SEMA3E: variants seen among roughly 807,000 people sequenced by gnomAD.
SEMA3E encodes the protein semaphorin-3E.
SEMA3E carries 49 observed loss-of-function variants against 93.6 expected under a neutral mutation model. That is an observed-to-expected ratio of 0.52 (90% CI 0.42 to 0.66). SEMA3E has a LOEUF of 0.66. SEMA3E is among the 30% of genes least tolerant of loss of function. SEMA3E has a pLI of 0.00. For missense variants in SEMA3E, 906 were observed against 964.8 expected (o/e 0.94, Z 0.81); for synonymous variants, 363 against 330.7 (o/e 1.10, Z -1.06).
chr7:83,595,785 G>A (rs1792860887), intron 1 of SEMA3E, among the ~76,000 whole-genome samples: 1 of 151,886 alleles, frequency 6.6e-6, no homozygotes, highest in Non-Finnish European at 1.5e-5. Context: ...CATCACGGTA[G>A]GAAGTTTATG....
chr7:83,599,470 T>C (rs1255701087), intron 1 of SEMA3E, among the ~76,000 whole-genome samples: 2 of 152,222 alleles, frequency 1.3e-5, no homozygotes, highest in South Asian at 4.1e-4. Flanking sequence ...AACCCGCTTT[T>C]GCTCCAAAGT....
At chr7:83,508,645 C>G (rs957864456) in intron 1 of SEMA3E, among the ~76,000 whole-genome samples, 4 of 152,128 alleles carry the variant, frequency 2.6e-5, no homozygotes, top group African/African-American at 9.7e-5. Flanking sequence ...AATATTTATA[C>G]TTCATATCTT....
intron 1 of SEMA3E, among the ~76,000 whole-genome samples, chr7:83,635,611 T>C (rs887976141): frequency 6.6e-6 from 1 of 151,920 alleles, no homozygotes; most frequent in Non-Finnish European, 1.5e-5. Flanking sequence ...ATATTATCAA[T>C]TGATTTTGAT....
intron 1 of SEMA3E, among the ~76,000 whole-genome samples, chr7:83,525,928 T>G (rs1467028437): frequency 1.3e-5 from 2 of 151,874 alleles, no homozygotes; most frequent in Admixed American, 6.6e-5. Flanking sequence ...AACTGTAAGC[T>G]TTGCTATAGA....
chr7:83,454,742 T>G (rs1789446509), intron 4 of SEMA3E, among the ~76,000 whole-genome samples: 1 of 152,252 alleles, frequency 6.6e-6, no homozygotes, highest in Admixed American at 6.5e-5. Context: ...ATATTTTCAA[T>G]ATTTACTTAA....
chr7:83,429,529 G>GA (rs1482146386), intron 4 of SEMA3E, among the ~76,000 whole-genome samples: 2 of 152,100 alleles, frequency 1.3e-5, no homozygotes, highest in African/African-American at 2.4e-5. Flanking sequence ...GCTTTTACTG[G>GA]AAAAACATCA....
intron 1 of SEMA3E, among the ~76,000 whole-genome samples, chr7:83,511,289 T>TG (rs1221430278): frequency 6.6e-6 from 1 of 151,500 alleles, no homozygotes; most frequent in East Asian, 1.9e-4. Flanking sequence ...AAATATGTTT[T>TG]TTTTTTTTTT....
chr7:83,438,742 TATAATAA>T (rs1789052849), intron 4 of SEMA3E, among the ~76,000 whole-genome samples: 1 of 151,978 alleles, frequency 6.6e-6, no homozygotes, highest in Admixed American at 6.6e-5. Flanking sequence ...AATAATTATA[TATAATAA>T]AAGTAGGCAT....
At chr7:83,390,122 T>C (rs1226947454) in intron 14 of SEMA3E, among the ~76,000 whole-genome samples, 3 of 79,936 alleles carry the variant, frequency 3.8e-5, no homozygotes, top group Non-Finnish European at 7.8e-5. Flanking sequence ...TATATGCGCG[T>C]ATACGTGTGC....
intron 14 of SEMA3E, among the ~76,000 whole-genome samples, chr7:83,389,999 GTATACACATATATACGCGTATA>G: frequency 7.7e-6 from 1 of 130,216 alleles, no homozygotes; most frequent in Middle Eastern, 5.2e-3. Flanking sequence ...ATGTGTATAC[GTATACACATATATACGCGTATA>G]TGTGTATACG....
At chr7:83,635,134 G>A (rs1793857107) in intron 1 of SEMA3E, among the ~76,000 whole-genome samples, 1 of 151,956 alleles carries the variant, frequency 6.6e-6, no homozygotes, top group Non-Finnish European at 1.5e-5. Context: ...TATGCTTTGT[G>A]ACAATGTCAA....
chr7:83,581,386 G>C (rs1792514276), intron 1 of SEMA3E, among the ~76,000 whole-genome samples: 1 of 152,036 alleles, frequency 6.6e-6, no homozygotes, highest in South Asian at 2.1e-4. Flanking sequence ...TTAAACTTCT[G>C]TGTTGCAAGA....
intron 4 of SEMA3E, among the ~76,000 whole-genome samples, chr7:83,447,784 G>T (rs148284205): frequency 7.5e-4 from 114 of 152,282 alleles, no homozygotes; most frequent in African/African-American, 2.6e-3. Context: ...GGCCAAAGTG[G>T]TAAGTGCCGT....
chr7:83,632,010 C>T (rs539130943), intron 1 of SEMA3E, among the ~76,000 whole-genome samples: 263 of 152,108 alleles, frequency 1.7e-3, no homozygotes, highest in African/African-American at 6.1e-3. Context: ...ACAAAATTAG[C>T]CGGGCATGGT....
chr7:83,636,651 T>C (rs1793887914), intron 1 of SEMA3E, among the ~76,000 whole-genome samples: 8 of 152,036 alleles, frequency 5.3e-5, no homozygotes, highest in Admixed American at 5.2e-4. Flanking sequence ...CATTTAGAAA[T>C]GGGGGAAATT....
chr7:83,501,345 T>C (rs1457037396), intron 1 of SEMA3E, among the ~76,000 whole-genome samples: 2 of 152,254 alleles, frequency 1.3e-5, no homozygotes, highest in Non-Finnish European at 2.9e-5. Context: ...TAAATACATT[T>C]CGGTTTTATC....
rs1788310543 is a variant in SEMA3E, at chr7:83,405,471, A to G, written c.977T>C (p.Phe326Ser). 1.2e-6 allele frequency: 2 copies of G among 1,612,900 alleles called. No individual in the cohort carries two copies. Among genetic ancestry groups the G allele is most frequent in the Non-Finnish European group, 1.7e-6 (2 of 1,179,204 alleles). The change falls in exon 9 of 17, where the codon TTT becomes TCT. Residue 326 changes from phenylalanine (F) to serine (S), a missense_variant. Phe to Ser is a radical substitution (Grantham distance 155). Coordinates refer to ENST00000643230, the MANE Select transcript of SEMA3E (RefSeq NM_012431.3). ...PTRDHKNPVI[F>S]GLFNTTSNIF... ...TCACCTGGTAGTGTTAAAGAGTCCA[A>G]ATATCACTGGATTCTTATGATCTCT...
At chr7:83,436,094 C>A (rs1487412025) in intron 4 of SEMA3E, among the ~76,000 whole-genome samples, 1 of 151,962 alleles carries the variant, frequency 6.6e-6, no homozygotes, top group East Asian at 1.9e-4. Flanking sequence ...TAATGTGAAA[C>A]TTTCAGCTGA....
intron 11 of SEMA3E, among the ~76,000 whole-genome samples, 177 bp from the exon 12 acceptor site, chr7:83,396,906 C>A (rs901829265): frequency 6.6e-6 from 1 of 151,900 alleles, no homozygotes; most frequent in Non-Finnish European, 1.5e-5. Context: ...AGGCAAAACC[C>A]TGTCTCTACT....
Sources: allele counts gnomAD v4.1 joint callset (sites outside exome capture counted in the v4.1 genomes callset), GRCh38; gene constraint gnomAD v4.1.1; transcripts MANE v1.5; gene names NCBI Gene and HGNC (gene_info 2026-07-23, HGNC 2026-07-21).